SIK3: variants seen among roughly 807,000 people sequenced by gnomAD.
SIK3 encodes the protein SIK family kinase 3, also known as serine/threonine-protein kinase SIK3.
A neutral mutation model predicts 144.2 loss-of-function variants in SIK3; 28 were observed. The ratio of observed to expected loss-of-function variants is 0.19; its 90% CI spans 0.14 to 0.27. The LOEUF (loss-of-function observed/expected upper bound fraction) is 0.27, where lower values mean the gene tolerates loss of function less well. Among genes scored for constraint, SIK3 ranks in the 10% least tolerant of loss-of-function variants. The pLI is 1.00. For synonymous variants in SIK3, 686 were observed against 676.3 expected (o/e 1.01, Z -0.22); for missense variants, 1,319 against 1,776.0 (o/e 0.74, Z 4.62).
chr11:116,896,209 C>T, intron 6 of SIK3, 44 bp downstream of exon 6: 4 of 1,605,256 alleles, frequency 2.5e-6, no homozygotes, highest in Non-Finnish European at 3.4e-6. Flanking sequence ...GTGGGTCTAA[C>T]TTTCATGAAC....
chr11:116,996,578 G>C (rs1950674154), intron 1 of SIK3, among the ~76,000 whole-genome samples: 1 of 151,818 alleles, frequency 6.6e-6, no homozygotes, highest in Admixed American at 6.6e-5. Flanking sequence ...CCAACACTTG[G>C]GGAGCCCAAG....
intron 1 of SIK3, among the ~76,000 whole-genome samples, chr11:117,035,407 TATTAATGATTCTATTAAAC>T (rs1291133993): frequency 1.3e-5 from 2 of 152,242 alleles, no homozygotes; most frequent in Non-Finnish European, 2.9e-5. Context: ...CTATTAAATC[TATTAATGATTCTATTAAAC>T]ATTAATGATT....
At chr11:116,981,765 C>T (rs1201838142) in intron 1 of SIK3, among the ~76,000 whole-genome samples, 1 of 152,202 alleles carries the variant, frequency 6.6e-6, no homozygotes, top group Non-Finnish European at 1.5e-5. Flanking sequence ...ATAATCCCAG[C>T]ACTTTGGGAG....
intron 1 of SIK3, among the ~76,000 whole-genome samples, chr11:117,080,627 CA>C (rs1402129066): frequency 3.3e-5 from 5 of 151,982 alleles, no homozygotes; most frequent in Non-Finnish European, 7.4e-5. Flanking sequence ...TGTGCAGAAA[CA>C]ACTTACGTAA....
chr11:117,094,233 G>A (rs1393321046), intron 1 of SIK3, among the ~76,000 whole-genome samples: 2 of 152,130 alleles, frequency 1.3e-5, no homozygotes, highest in Non-Finnish European at 2.9e-5. Flanking sequence ...TAACAGGCAA[G>A]TGATATATAT....
At chr11:116,875,521 A>C in intron 9 of SIK3, 70 bp from the exon 10 acceptor site, 2 of 1,493,680 alleles carry the variant, frequency 1.3e-6, no homozygotes, top group Non-Finnish European at 1.8e-6. Context: ...CTTTCCAAGT[A>C]GTCTTGATTG....
chr11:116,995,869 G>A (rs989128770), intron 1 of SIK3, among the ~76,000 whole-genome samples: 3 of 152,118 alleles, frequency 2.0e-5, no homozygotes, highest in Admixed American at 2.0e-4. Context: ...TAAGGAACAA[G>A]TCAGGTGTGG....
At chr11:117,029,627 C>T (rs138600129) in intron 1 of SIK3, among the ~76,000 whole-genome samples, 245 of 152,130 alleles carry the variant, frequency 1.6e-3, no homozygotes, top group African/African-American at 5.3e-3. Context: ...AATTAGAGAG[C>T]TATTTTGGAA....
intron 22 of SIK3, among the ~76,000 whole-genome samples, chr11:116,848,407 A>G (rs1942171175): frequency 6.6e-6 from 1 of 152,182 alleles, no homozygotes; most frequent in Non-Finnish European, 1.5e-5. Flanking sequence ...TGAATTTTAA[A>G]TTGTTTTTAA....
rs1565345914 is a variant in SIK3, at chr11:116,844,657, A to ACACATATATATT, written c.*985_*986insAATATATATGTG. The ACACATATATATT allele has an allele frequency of 1.2e-4, 12 of 103,558 alleles. No homozygotes were observed. The highest frequency in any genetic ancestry group is 5.5e-4 in the African/African-American group (12 of 22,018). The allele number at this position is 103,558 out of a possible 1,614,324, so 6.4% of individuals were successfully genotyped here. A position where few individuals can be genotyped will look rare whatever the true frequency, so the allele number is the denominator to read the frequency against. ...ATATTATATTATATATTATATATATAATATATATATACACATATATTATAT... is the reference window on the plus strand; with the variant it reads ...ATATTATATTATATATTATATATATACACATATATATTATATATATATACACATATATTATAT... On this transcript the variant is annotated 3_prime_UTR_variant, in exon 25 of 25. Transcript: ENST00000445177.
At chr11:116,923,686 TAAAAC>T (rs1175533848) in intron 4 of SIK3, among the ~76,000 whole-genome samples, 1 of 152,218 alleles carries the variant, frequency 6.6e-6, no homozygotes, top group Non-Finnish European at 1.5e-5. Flanking sequence ...GTTTTGCTCT[TAAAAC>T]AAATAATAAA....
intron 4 of SIK3, among the ~76,000 whole-genome samples, chr11:116,902,413 C>T (rs975840122): frequency 8.5e-5 from 13 of 152,152 alleles, no homozygotes; most frequent in African/African-American, 3.1e-4. Context: ...AAAACAATAT[C>T]AAAGGGAACC....
chr11:116,901,101 G>A (rs1945714360), intron 4 of SIK3, among the ~76,000 whole-genome samples: 1 of 152,162 alleles, frequency 6.6e-6, no homozygotes, highest in African/African-American at 2.4e-5. Context: ...CCGACATCAG[G>A]TGATCAGCCC....
At chr11:117,011,530 T>A (rs993152430) in intron 1 of SIK3, among the ~76,000 whole-genome samples, 3 of 151,442 alleles carry the variant, frequency 2.0e-5, no homozygotes, top group African/African-American at 7.3e-5. Context: ...TTTTTTTTTT[T>A]ACCCCGAACC....
rs553368059 is a variant in SIK3, at chr11:117,074,354, C to T, written c.273+23789G>A. 3.3e-5 allele frequency among the ~76,000 whole-genome samples: 5 copies of T among 152,278 alleles called. No homozygotes were observed. In the South Asian group the frequency reaches 1.0e-3, roughly 32 times the overall value. ...CCCCCACTTCCCTACAGCCCCACAACAGTATATGTATTTTGGGTAAAGTAG... is the reference window on the plus strand; with the variant it reads ...CCCCCACTTCCCTACAGCCCCACAATAGTATATGTATTTTGGGTAAAGTAG... On this transcript the variant is annotated intron_variant, in intron 1 of 24. Coordinates refer to ENST00000445177, the MANE Select transcript of SIK3 (RefSeq NM_001366686.3).
intron 4 of SIK3, among the ~76,000 whole-genome samples, chr11:116,914,478 C>T (rs1387685029): frequency 1.3e-5 from 2 of 152,134 alleles, no homozygotes; most frequent in African/African-American, 4.8e-5. Context: ...GCTGGGATTA[C>T]AAGCATGAGC....
intron 22 of SIK3, among the ~76,000 whole-genome samples, chr11:116,848,820 A>T (rs1942198505): frequency 6.6e-6 from 1 of 152,152 alleles, no homozygotes; most frequent in Admixed American, 6.5e-5. Context: ...AAAATTAGCC[A>T]GGTGTGGTGG....
intron 1 of SIK3, among the ~76,000 whole-genome samples, chr11:117,006,200 T>C (rs930193297): frequency 2.6e-5 from 4 of 152,240 alleles, no homozygotes; most frequent in Non-Finnish European, 5.9e-5. Flanking sequence ...TAGTCTAAAA[T>C]GGAATATCAC....
intron 1 of SIK3, among the ~76,000 whole-genome samples, chr11:116,959,045 T>G (rs181728105): frequency 4.6e-5 from 7 of 152,262 alleles, no homozygotes; most frequent in Admixed American, 2.0e-4. Flanking sequence ...TGCAGATATA[T>G]CCCCATAGCA....
Sources: gnomAD v4.1 joint callset for allele counts (sites outside exome capture counted in the v4.1 genomes callset) on GRCh38, gnomAD v4.1.1 for gene constraint, MANE v1.5 for transcripts, NCBI Gene and HGNC (gene_info 2026-07-23, HGNC 2026-07-21) for gene names.